Variants in ERN1 observed in about 807,000 individuals in gnomAD.
ERN1 encodes the protein endoplasmic reticulum to nucleus signaling 1, also known as serine/threonine-protein kinase/endoribonuclease IRE1.
Under a neutral mutation model 113.1 loss-of-function variants are expected in ERN1, and 39 were observed. The ratio of observed to expected loss-of-function variants is 0.34; its 90% CI spans 0.27 to 0.45. The LOEUF (loss-of-function observed/expected upper bound fraction) is 0.45, where lower values mean the gene tolerates loss of function less well. Among genes scored for constraint, ERN1 ranks in the 20% least tolerant of loss-of-function variants. The pLI is 1.00. For synonymous variants in ERN1, 507 were observed against 515.9 expected (o/e 0.98, Z 0.23); for missense variants, 976 against 1,274.8 (o/e 0.77, Z 3.57).
At chr17:64,075,287 G>GGA (rs1567871360) in intron 4 of ERN1, 40 bp from the exon 5 acceptor site, 1 of 1,444,246 alleles carries the variant, frequency 6.9e-7, no homozygotes, top group Non-Finnish European at 9.2e-7. Context: ...AGTTAACCAA[G>GGA]TCTTGTGCAA....
intron 4 of ERN1, among the ~76,000 whole-genome samples, chr17:64,077,526 C>T (rs897689497): frequency 1.3e-5 from 2 of 152,094 alleles, no homozygotes; most frequent in Admixed American, 6.5e-5. Context: ...TGAATGGCAG[C>T]GTGTGGCCTT....
rs533711587 is a variant in ERN1, at chr17:64,090,423, C to T, written c.175+7698G>A. ...AACTCAGGCCAAAAAACACACTGAA[C>T]GTTATAATCAATCATGAAGGCACTG... On this transcript the variant is annotated intron_variant, in intron 2 of 21. Transcript: ENST00000433197. Among the ~76,000 whole-genome samples, 5 of 152,248 alleles carry T rather than the reference C, an allele frequency of 3.3e-5. No homozygotes were observed. In the East Asian group the frequency reaches 5.8e-4, roughly 18 times the overall value.
chr17:64,088,052 C>A (rs1246852027), intron 2 of ERN1, among the ~76,000 whole-genome samples: 1 of 152,214 alleles, frequency 6.6e-6, no homozygotes, highest in African/African-American at 2.4e-5. Context: ...CTGGAGGTAG[C>A]TCTGGGCAGA....
At position 64,055,795 on chromosome 17, in the gene ERN1, A is replaced by G; in HGVS notation, c.1552T>C (p.Ser518Pro). The G allele has an allele frequency of 6.3e-7, 1 of 1,589,946 alleles. No homozygotes were observed. ...GELLDTSGPY[S>P]ESSGTSSPST... The stretch of plus-strand genomic sequence containing the variant: ...GGGCTGCTGGTGCCCGAGCTCTCTG[A>G]GTACGGGCCAGACGTGTCCAGGAGC... The change falls in exon 13 of 22, where the codon TCA becomes CCA. Residue 518 changes from serine (S) to proline (P), a missense_variant. Around this residue, in one of 5 missense-constraint regions of ERN1, gnomAD observed 112 missense variants for 106.2 expected, o/e 1.05. Coordinates refer to ENST00000433197, the MANE Select transcript of ERN1 (RefSeq NM_001433.5).
rs1912351269 is a variant in ERN1, at chr17:64,041,930, G to A, written c.*2058C>T. The A allele has an allele frequency of 6.6e-6, 1 of 152,222 alleles. No homozygotes were observed. The highest frequency in any genetic ancestry group is 2.4e-5 in the African/African-American group (1 of 41,444). 9.4% of individuals were successfully genotyped at this position (152,222 alleles called of 1,614,324 possible). A position where few individuals can be genotyped will look rare whatever the true frequency, so the allele number is the denominator to read the frequency against. On this transcript the variant is annotated 3_prime_UTR_variant, in exon 22 of 22. Transcript: ENST00000433197. ...AAGGCATCGGAAACAGTTGTCTCTA[G>A]GCAAGTGGGGCTAAAACAGGGAGAT...
rs1375699612 is a variant in ERN1, at chr17:64,071,949, C to G, written c.478+32G>C. The G allele has an allele frequency of 3.2e-6, 5 of 1,550,270 alleles. No homozygotes were observed. The South Asian group carries it at 4.8e-5, about 15-fold the overall frequency. ...CTTCTTCCGATCTTCTGGAAACAGG[C>G]AGGTTGTAGAAGACAAAGGTTCATT... On this transcript the variant is annotated intron_variant, in intron 6 of 21. Coordinates refer to ENST00000433197, the MANE Select transcript of ERN1 (RefSeq NM_001433.5).
At chr17:64,060,750 C>T (rs1216188352) in intron 10 of ERN1, among the ~76,000 whole-genome samples, 163 bp from the exon 11 acceptor site, 3 of 152,182 alleles carry the variant, frequency 2.0e-5, no homozygotes, top group African/African-American at 7.2e-5. Flanking sequence ...CAGAAAATTC[C>T]ATCAAAGCAG....
chr17:64,095,960 G>T (rs754292343), intron 2 of ERN1, among the ~76,000 whole-genome samples: 3 of 152,162 alleles, frequency 2.0e-5, no homozygotes, highest in Non-Finnish European at 4.4e-5. Flanking sequence ...CACATTACTA[G>T]TCCCTCTCAT....
At chr17:64,099,621 T>G (rs1212258625) in intron 1 of ERN1, among the ~76,000 whole-genome samples, 5 of 151,972 alleles carry the variant, frequency 3.3e-5, no homozygotes, top group East Asian at 1.9e-4. Flanking sequence ...TATGGAGCAT[T>G]AAATGTAAAA....
chr17:64,053,048 G>T, intron 16 of ERN1, 69 bp from the exon 17 acceptor site: 1 of 1,290,376 alleles, frequency 7.7e-7, no homozygotes, highest in Non-Finnish European at 1.1e-6. Context: ...AATGGGGAAT[G>T]TGTCCTCGTC....
intron 1 of ERN1, among the ~76,000 whole-genome samples, chr17:64,110,853 G>A (rs1914652804): frequency 6.6e-6 from 1 of 152,222 alleles, no homozygotes; most frequent in Non-Finnish European, 1.5e-5. Flanking sequence ...AAACTGCTGG[G>A]AAGACTGTGC....
Position 64,090,608 on chromosome 17 carries a change from T to A in ERN1, c.175+7513A>T, listed in dbSNP as rs575583150. ...CAGACAAAATAAGGCACTTTATCCA[T>A]GTACTTCAACAATCACAACCATATT... On this transcript the variant is annotated intron_variant, in intron 2 of 21. Coordinates refer to ENST00000433197, the MANE Select transcript of ERN1 (RefSeq NM_001433.5). Among the ~76,000 whole-genome samples the A allele has an allele frequency of 2.6e-5, 4 of 152,326 alleles. No individual in the cohort carries two copies. In the South Asian group the frequency reaches 8.3e-4, roughly 32 times the overall value.
rs1354369169 is a variant in ERN1, at chr17:64,058,000, T to C, written c.1207-7A>G. ...GGTCAACCAGGTTGATAACCTTGCA[T>C]GGGAGAGAGTTGCGACATCACTGCA... is the stretch of plus-strand genomic sequence containing the variant. On this transcript the variant is annotated splice_polypyrimidine_tract_variant and splice_region_variant and intron_variant, in intron 11 of 21. Coordinates refer to ENST00000433197, the MANE Select transcript of ERN1 (RefSeq NM_001433.5). 1.3e-6 allele frequency: 2 copies of C among 1,529,086 alleles called. No individual in the cohort carries two copies. The highest frequency in any genetic ancestry group is 8.8e-7 in the Non-Finnish European group (1 of 1,138,326). The allele number at this position is 1,529,086 out of a possible 1,614,324, so 94.7% of individuals were successfully genotyped here.
intron 3 of ERN1, chr17:64,080,512 A>G (rs1233783954): frequency 2.3e-6 from 1 of 425,824 alleles, no homozygotes; most frequent in East Asian, 4.4e-5. Context: ...CCCCCTGAGG[A>G]CTTTGGAAGT....
At chr17:64,062,507 A>G (rs1913085260) in intron 10 of ERN1, among the ~76,000 whole-genome samples, 1 of 152,222 alleles carries the variant, frequency 6.6e-6, no homozygotes, top group Admixed American at 6.5e-5. Flanking sequence ...GGATCCTTAC[A>G]CTTAATAGAT....
intron 19 of ERN1, among the ~76,000 whole-genome samples, chr17:64,045,990 G>C (rs1297069982): frequency 6.6e-6 from 1 of 152,180 alleles, no homozygotes; most frequent in African/African-American, 2.4e-5. Context: ...GGTGGCAAGA[G>C]TATGGGCTCC....
chr17:64,049,173 G>A lies in ERN1; in HGVS notation c.2283C>T (p.Gly761=). ...CAGAGATTACGTAGTAAAAGACGCA[G>A]CCTGCAGAAAAGATGTCCACCGTGT... is the stretch of plus-strand genomic sequence containing the variant. ...PTYTVDIFSA[G]CVFYYVISEG... The change falls in exon 18 of 22, where the codon GGC becomes GGT. Residue 761 remains glycine (G), a synonymous_variant. Coordinates refer to ENST00000433197, the MANE Select transcript of ERN1 (RefSeq NM_001433.5). The surrounding 1 kb of genome is among the most constrained non-coding windows in gnomAD (Gnocchi z 4.7). The A allele has an allele frequency of 6.2e-7, 1 of 1,603,004 alleles. No homozygotes were observed. Among genetic ancestry groups the A allele is most frequent in the Non-Finnish European group, 8.5e-7 (1 of 1,171,474 alleles).
In ERN1 at chr17:64,066,736, C is replaced by T; in HGVS notation, c.777G>A (p.Glu259=). The T allele has an allele frequency of 6.2e-7, 1 of 1,613,968 alleles. No homozygotes were observed. The highest frequency in any genetic ancestry group is 1.1e-5 in the South Asian group (1 of 91,074). Residue 259 remains glutamate, a synonymous_variant, in exon 8 of 22, where the codon GAG becomes GAA. Transcript: ENST00000433197. The part of the protein sequence containing the change: ...TLRYLTFMSG[E]VGRITKWKYP... The stretch of plus-strand genomic sequence containing the variant: ...ACTTCCACTTTGTGATGCGCCCCAC[C>T]TCCCCAGACATGAAGGTCAGATAGC...
At chr17:64,070,194 G>A (rs1380554544) in intron 6 of ERN1, among the ~76,000 whole-genome samples, 3 of 152,140 alleles carry the variant, frequency 2.0e-5, no homozygotes, top group African/African-American at 4.8e-5. Context: ...AAGGTCACAC[G>A]GAACTGAACT....
Sources: gnomAD v4.1 joint callset for allele counts (sites outside exome capture counted in the v4.1 genomes callset) on GRCh38, gnomAD v4.1.1 for gene constraint, gnomAD v4.1.1 regional missense constraint, Gnocchi (gnomAD v3.1) non-coding constraint, MANE v1.5 for transcripts, NCBI Gene and HGNC (gene_info 2026-07-23, HGNC 2026-07-21) for gene names.